Variants in TIAL1 observed in about 807,000 individuals in gnomAD.
TIAL1 encodes TIA1 cytotoxic granule associated RNA binding protein like 1.
TIAL1 carries 7 observed loss-of-function variants against 59.7 expected under a neutral mutation model. The observed-to-expected ratio is 0.12, with a 90% CI of 0.07 to 0.22. TIAL1 has a LOEUF of 0.22. Among genes scored for constraint, TIAL1 ranks in the 10% least tolerant of loss-of-function variants. The probability of loss-of-function intolerance (pLI) is 1.00; values close to 1 mark genes in which losing one functional copy is unlikely to be tolerated. For synonymous variants in TIAL1, 149 were observed against 146.3 expected (o/e 1.02, Z -0.13); for missense variants, 225 against 462.5 (o/e 0.49, Z 4.71).
chr10:119,593,813 T>G (rs1021310631), intron 1 of TIAL1, among the ~76,000 whole-genome samples: 1 of 152,192 alleles, frequency 6.6e-6, no homozygotes, highest in Admixed American at 6.5e-5. Context: ...AAATCCCAAT[T>G]GTTAAACATT....
intron 7 of TIAL1, 126 bp downstream of exon 7, chr10:119,578,600 C>T: frequency 2.4e-6 from 2 of 825,008 alleles, no homozygotes; most frequent in Non-Finnish European, 3.9e-6. Context: ...CACCGCACTC[C>T]AGCCTGGGCA....
At position 119,576,986 on chromosome 10, in the gene TIAL1, G is replaced by A. The variant is rs776339493; in HGVS notation, c.861+94C>T. ...TACAATCAACTGAAAGTAGCTATATGCTTTATTTTATTGTTCATTTTACAG... is the reference window on the plus strand; with the variant it reads ...TACAATCAACTGAAAGTAGCTATATACTTTATTTTATTGTTCATTTTACAG... On this transcript the variant is annotated intron_variant, in intron 10 of 11. Coordinates refer to ENST00000436547, the MANE Select transcript of TIAL1 (RefSeq NM_003252.4). 1.9e-5 allele frequency: 28 copies of A among 1,487,656 alleles called. 1 individual carries two copies. The Middle Eastern group carries it at 2.8e-3, about 149-fold the overall frequency. 92.2% of individuals were successfully genotyped at this position (1,487,656 alleles called of 1,614,324 possible). A position where few individuals can be genotyped will look rare whatever the true frequency, so the allele number is the denominator to read the frequency against.
chr10:119,576,941 G>A (rs755667661), intron 10 of TIAL1, 139 bp downstream of exon 10: 77 of 1,337,642 alleles, frequency 5.8e-5, no homozygotes, highest in Middle Eastern at 4.0e-4. Flanking sequence ...AGTTAATACC[G>A]CAAATAATCA....
intron 6 of TIAL1, 72 bp downstream of exon 6, chr10:119,579,863 A>G: frequency 6.5e-6 from 8 of 1,234,654 alleles, no homozygotes; most frequent in South Asian, 3.1e-5. Context: ...TTCAAGTTTC[A>G]GATTCAATAC....
rs1846215907 is a variant in TIAL1 at position 119,596,621 on chromosome 10, C to G, written c.-156G>C. 2.2e-5 allele frequency: 14 copies of G among 624,346 alleles called. 1 individual carries two copies. The highest frequency in any genetic ancestry group is 1.5e-4 in the South Asian group (8 of 51,616). The allele number at this position is 624,346 out of a possible 1,614,324, so 38.7% of individuals were successfully genotyped here. A position where few individuals can be genotyped will look rare whatever the true frequency, so the allele number is the denominator to read the frequency against. ...CGGGCTCTCTCCCCCCAGCCCGCTC[C>G]GGACACTGCGCTCCAACCAGGAGGA... On this transcript the variant is annotated 5_prime_UTR_variant, in exon 1 of 12. Transcript: ENST00000436547.
intron 1 of TIAL1, among the ~76,000 whole-genome samples, chr10:119,595,098 G>A (rs1051844304): frequency 6.6e-6 from 1 of 152,190 alleles, no homozygotes; most frequent in African/African-American, 2.4e-5. Flanking sequence ...TGAGACGTTA[G>A]AGAACACATT....
At chr10:119,587,592 G>A (rs1285940150) in intron 2 of TIAL1, among the ~76,000 whole-genome samples, 1 of 150,880 alleles carries the variant, frequency 6.6e-6, no homozygotes, top group South Asian at 2.1e-4. Context: ...TGTATCTCTA[G>A]CACTTACTGC....
In TIAL1 at chr10:119,577,134, C is replaced by G. The variant is rs1031796730; in HGVS notation, c.807G>C (p.Val269=). 2 of 1,613,908 alleles carry G rather than the reference C, an allele frequency of 1.2e-6. No individual in the cohort carries two copies. Among genetic ancestry groups the G allele is most frequent in the Non-Finnish European group, 1.7e-6 (2 of 1,179,938 alleles). Residue 269 remains valine (V), a synonymous_variant, in exon 10 of 12, where the codon GTG becomes GTC. Coordinates refer to ENST00000436547, the MANE Select transcript of TIAL1 (RefSeq NM_003252.4). ...ATTCTTTACCCCAATAGCATTTAAC[C>G]ACATGTCCTTCAATCGTAGTACCGT... ...SVNGTTIEGH[V]VKCYWGKESP...
At chr10:119,577,808 T>TA in intron 7 of TIAL1, 72 bp from the exon 8 acceptor site, 1 of 1,344,908 alleles carries the variant, frequency 7.4e-7, no homozygotes, top group Non-Finnish European at 1.1e-6. Context: ...AATTACTATA[T>TA]ACTATTAAGA....
rs1380880864 is a variant in TIAL1 at position 119,574,680 on chromosome 10, T to C, written c.*985A>G. ...CATCAAAGATTGTATGAAATTAAAATTAAGGCTTTTTCTGCACAATTTGTG... is the reference window on the plus strand; with the variant it reads ...CATCAAAGATTGTATGAAATTAAAACTAAGGCTTTTTCTGCACAATTTGTG... On this transcript the variant is annotated 3_prime_UTR_variant, in exon 12 of 12. Transcript: ENST00000436547. The C allele has an allele frequency of 6.7e-6, 1 of 149,130 alleles. No individual in the cohort carries two copies. Among genetic ancestry groups the C allele is most frequent in the Non-Finnish European group, 1.5e-5 (1 of 67,362 alleles). 9.2% of individuals were successfully genotyped at this position (149,130 alleles called of 1,614,324 possible).
chr10:119,588,676 C>T (rs192271360), intron 1 of TIAL1, among the ~76,000 whole-genome samples: 2 of 152,090 alleles, frequency 1.3e-5, no homozygotes, highest in African/African-American at 4.8e-5. Flanking sequence ...CCTCTGTTTT[C>T]AACAAAATTT....
At chr10:119,581,014 T>A (rs1374362964) in intron 5 of TIAL1, among the ~76,000 whole-genome samples, 1 of 152,006 alleles carries the variant, frequency 6.6e-6, no homozygotes, top group African/African-American at 2.4e-5. Context: ...AAAGCAAATA[T>A]CAAAACAGAA....
At chr10:119,586,816 AC>A (rs1845591697) in intron 2 of TIAL1, among the ~76,000 whole-genome samples, 1 of 152,190 alleles carries the variant, frequency 6.6e-6, no homozygotes. Flanking sequence ...CATAGATAGC[AC>A]CATCTTGTTA....
intron 2 of TIAL1, among the ~76,000 whole-genome samples, chr10:119,585,099 G>GAGGACA (rs1845492441): frequency 7.0e-6 from 1 of 142,444 alleles, no homozygotes; most frequent in Non-Finnish European, 1.5e-5. Context: ...CTCCAGCCTG[G>GAGGACA]GCAAAAGAGC....
intron 1 of TIAL1, chr10:119,593,603 A>C: frequency 1.7e-6 from 1 of 574,224 alleles, no homozygotes; most frequent in Non-Finnish European, 2.2e-6. Context: ...CTTTTAAAAC[A>C]TACTGGCCAC....
intron 2 of TIAL1, among the ~76,000 whole-genome samples, chr10:119,586,977 C>A (rs916791667): frequency 5.9e-5 from 9 of 152,178 alleles, no homozygotes; most frequent in Non-Finnish European, 7.3e-5. Flanking sequence ...CATTATATCT[C>A]CAGTACCTTG....
intron 1 of TIAL1, chr10:119,593,357 A>T (rs1845987681): frequency 2.1e-6 from 1 of 475,778 alleles, no homozygotes; most frequent in Non-Finnish European, 2.7e-6. Context: ...TATGACAAAT[A>T]GAAATTTAGG....
chr10:119,591,044 A>G (rs1414302605), intron 1 of TIAL1, among the ~76,000 whole-genome samples: 1 of 152,204 alleles, frequency 6.6e-6, no homozygotes, highest in Non-Finnish European at 1.5e-5. Flanking sequence ...TCTTCAGGAA[A>G]AACTGTATTG....
chr10:119,579,815 TACATA>T (rs1462648803), intron 6 of TIAL1, 115 bp downstream of exon 6: 3 of 670,330 alleles, frequency 4.5e-6, no homozygotes, highest in East Asian at 3.0e-5. Context: ...TACATAACAT[TACATA>T]AAAGTTGTGT....
Sources: gnomAD v4.1 joint callset for allele counts (sites outside exome capture counted in the v4.1 genomes callset) on GRCh38, gnomAD v4.1.1 for gene constraint, MANE v1.5 for transcripts, NCBI Gene and HGNC (gene_info 2026-07-23, HGNC 2026-07-21) for gene names.